PLXNA2: variants seen among roughly 807,000 people sequenced by gnomAD.
PLXNA2 encodes the protein plexin A2, also known as plexin-A2.
Under a neutral mutation model 193.5 loss-of-function variants are expected in PLXNA2, and 91 were observed. The ratio of observed to expected loss-of-function variants is 0.47; its 90% confidence interval spans 0.40 to 0.56. The LOEUF (loss-of-function observed/expected upper bound fraction) is 0.56, where lower values mean the gene tolerates loss of function less well. PLXNA2 is among the 20% of genes least tolerant of loss of function. The pLI is 0.00. For missense variants in PLXNA2, 1,995 were observed against 2,503.2 expected, an observed-to-expected ratio of 0.80 and a Z score of 4.33; for synonymous variants, 997 against 1,027.3, an observed-to-expected ratio of 0.97 and a Z score of 0.56.
chr1:208,086,789 CAAAAAAAAAA>C (rs11355579), intron 9 of PLXNA2, among the ~76,000 whole-genome samples: 4 of 125,878 alleles, frequency 3.2e-5, no homozygotes, highest in Non-Finnish European at 6.6e-5. Context: ...TATTTATAGC[CAAAAAAAAAA>C]AAAAAAAAGA....
intron 3 of PLXNA2, among the ~76,000 whole-genome samples, chr1:208,209,396 G>T (rs543174045): frequency 6.6e-6 from 1 of 152,346 alleles, no homozygotes; most frequent in East Asian, 1.9e-4. Context: ...GAGATGCAGT[G>T]AGGTCTTGCA....
chr1:208,055,695 C>A (rs1665408761), intron 13 of PLXNA2, among the ~76,000 whole-genome samples: 1 of 152,158 alleles, frequency 6.6e-6, no homozygotes, highest in Admixed American at 6.5e-5. Flanking sequence ...CGATGCTTAT[C>A]TCAACAGCTT....
At chr1:208,154,828 C>T (rs914319177) in intron 3 of PLXNA2, among the ~76,000 whole-genome samples, 18 of 152,232 alleles carry the variant, frequency 1.2e-4, no homozygotes, top group Non-Finnish European at 4.4e-5. Context: ...TTCTCACTTT[C>T]CTCATCTACA....
chr1:208,211,806 C>T (rs996483908), intron 2 of PLXNA2, among the ~76,000 whole-genome samples: 1 of 152,024 alleles, frequency 6.6e-6, no homozygotes, highest in Non-Finnish European at 1.5e-5. Flanking sequence ...TCTTGTAGGG[C>T]TCTTAAAGGG....
chr1:208,216,611 G>T, intron 2 of PLXNA2, 124 bp downstream of exon 2: 1 of 1,132,586 alleles, frequency 8.8e-7, no homozygotes, highest in Non-Finnish European at 1.2e-6. Flanking sequence ...GATAACCTGA[G>T]TCTGAAAACC....
intron 1 of PLXNA2, among the ~76,000 whole-genome samples, chr1:208,221,432 A>G (rs1452281870): frequency 5.3e-5 from 6 of 112,182 alleles, no homozygotes; most frequent in Non-Finnish European, 1.0e-4. Flanking sequence ...TAAACAGACC[A>G]CTCCAGCTGG....
chr1:208,243,461 GC>G (rs1433712290), intron 1 of PLXNA2, among the ~76,000 whole-genome samples, 181 bp downstream of exon 1: 2 of 151,958 alleles, frequency 1.3e-5, no homozygotes, highest in African/African-American at 4.8e-5. Flanking sequence ...CGCACGCCGC[GC>G]TCCAGCCCGC....
Position 208,022,976 on chromosome 1 carries a change from C to G in PLXNA2, c.*4267G>C, listed in dbSNP as rs1664229677. The G allele has an allele frequency of 6.6e-6, 1 of 152,190 alleles. No homozygotes were observed. Among genetic ancestry groups the G allele is most frequent in the Non-Finnish European group, 1.5e-5 (1 of 68,036 alleles). The allele number at this position is 152,190 out of a possible 1,614,324, so 9.4% of individuals were successfully genotyped here. A position where few individuals can be genotyped will look rare whatever the true frequency, so the allele number is the denominator to read the frequency against. On this transcript the variant is annotated 3_prime_UTR_variant, in exon 32 of 32. Coordinates refer to ENST00000367033, the MANE Select transcript of PLXNA2 (RefSeq NM_025179.4). ...AAATACCAAGAGTGAAACTTTATCC[C>G]TCATTCATGGGGATCACTGAGCTCC...
intron 3 of PLXNA2, among the ~76,000 whole-genome samples, chr1:208,142,985 G>A (rs944155170): frequency 1.3e-5 from 2 of 152,162 alleles, no homozygotes; most frequent in African/African-American, 4.8e-5. Flanking sequence ...CCAAACATAT[G>A]CCCTGACTGT....
intron 1 of PLXNA2, among the ~76,000 whole-genome samples, chr1:208,237,756 C>T (rs1419135248): frequency 6.6e-6 from 1 of 152,192 alleles, no homozygotes; most frequent in Non-Finnish European, 1.5e-5. Context: ...CCTCTGACCC[C>T]CTAGTACACA....
intron 4 of PLXNA2, among the ~76,000 whole-genome samples, chr1:208,120,295 T>C (rs953550587): frequency 3.3e-5 from 5 of 152,072 alleles, no homozygotes; most frequent in Non-Finnish European, 5.9e-5. Flanking sequence ...TACTGAGATG[T>C]GAAAATTAAG....
intron 3 of PLXNA2, among the ~76,000 whole-genome samples, chr1:208,205,037 C>G (rs188770735): frequency 3.5e-4 from 53 of 152,212 alleles, no homozygotes; most frequent in African/African-American, 1.3e-3. Flanking sequence ...TGGGTTGAGG[C>G]GGCAGTTTAG....
intron 3 of PLXNA2, among the ~76,000 whole-genome samples, chr1:208,160,290 A>G (rs1669072138): frequency 6.6e-6 from 1 of 152,298 alleles, no homozygotes; most frequent in East Asian, 1.9e-4. Context: ...TGGAGCTCTG[A>G]ACTATTTCCC....
chr1:208,111,474 G>C (rs1667473832), intron 4 of PLXNA2, among the ~76,000 whole-genome samples: 1 of 152,148 alleles, frequency 6.6e-6, no homozygotes, highest in Admixed American at 6.5e-5. Context: ...CAAGCCCTCT[G>C]TTAGCACAGC....
intron 4 of PLXNA2, among the ~76,000 whole-genome samples, chr1:208,131,703 A>T (rs999677505): frequency 6.6e-6 from 1 of 152,198 alleles, no homozygotes; most frequent in Non-Finnish European, 1.5e-5. Flanking sequence ...TCGGGGCTTC[A>T]ATGCCTCACA....
intron 3 of PLXNA2, among the ~76,000 whole-genome samples, chr1:208,169,910 C>G (rs768154867): frequency 3.4e-4 from 52 of 152,186 alleles, no homozygotes; most frequent in Non-Finnish European, 4.3e-4. Flanking sequence ...GTTTCAAAGT[C>G]CAAACTTAAT....
intron 29 of PLXNA2, chr1:208,031,358 G>A: frequency 7.2e-7 from 1 of 1,381,942 alleles, no homozygotes; most frequent in Non-Finnish European, 9.4e-7. Flanking sequence ...CAGAATTCAA[G>A]GGTGCATCCT....
intron 12 of PLXNA2, among the ~76,000 whole-genome samples, chr1:208,065,813 A>G (rs762005167): frequency 1.3e-5 from 2 of 152,180 alleles, no homozygotes; most frequent in Non-Finnish European, 2.9e-5. Flanking sequence ...TCAGAGCGAG[A>G]CATCATCCTT....
intron 3 of PLXNA2, among the ~76,000 whole-genome samples, chr1:208,182,393 A>G (rs900162919): frequency 3.9e-5 from 6 of 152,272 alleles, no homozygotes; most frequent in Non-Finnish European, 5.9e-5. Flanking sequence ...AGATCGCGCC[A>G]CTGCACTCCA....
Sources: allele counts gnomAD v4.1 joint callset (sites outside exome capture counted in the v4.1 genomes callset), GRCh38; gene constraint gnomAD v4.1.1; transcripts MANE v1.5; gene names NCBI Gene and HGNC (gene_info 2026-07-23, HGNC 2026-07-21).